The following TTC39C variants were observed in gnomAD, a reference collection of about 807,000 sequenced individuals.
TTC39C encodes the protein tetratricopeptide repeat protein 39C.
In TTC39C, 33 loss-of-function variants were observed where a neutral mutation model predicts 76.3. The ratio of observed to expected loss-of-function variants is 0.43; its 90% CI spans 0.33 to 0.58. The LOEUF (loss-of-function observed/expected upper bound fraction) is 0.58, where lower values mean the gene tolerates loss of function less well. Ranked by LOEUF, TTC39C falls within the 20% of genes least tolerant of loss-of-function variation. The probability of loss-of-function intolerance (pLI) is 0.04; values close to 1 mark genes in which losing one functional copy is unlikely to be tolerated. For missense variants in TTC39C, 595 were observed against 701.4 expected, an observed-to-expected ratio of 0.85 and a Z score of 1.71; for synonymous variants, 254 against 260.6, an observed-to-expected ratio of 0.97 and a Z score of 0.24.
chr18:24,086,923 T>G (rs1038965427), intron 6 of TTC39C, among the ~76,000 whole-genome samples: 56 of 152,262 alleles, frequency 3.7e-4, no homozygotes, highest in African/African-American at 1.2e-3. Flanking sequence ...GTTTTGTTTT[T>G]TTTTTTCTTT....
chr18:24,079,595 C>A (rs2084351050), intron 4 of TTC39C, among the ~76,000 whole-genome samples: 1 of 152,126 alleles, frequency 6.6e-6, no homozygotes, highest in Non-Finnish European at 1.5e-5. Flanking sequence ...CCAAATAAAG[C>A]AATTCTGATA....
intron 1 of TTC39C, among the ~76,000 whole-genome samples, chr18:24,059,658 T>A (rs756935221): frequency 5.9e-5 from 9 of 152,376 alleles, no homozygotes; most frequent in Non-Finnish European, 1.2e-4. Flanking sequence ...CTATTGTGAA[T>A]AGTGCTGCAG....
upstream of TTC39C, chr18:24,014,416 C>A (rs1189521492): frequency 6.5e-6 from 1 of 153,718 alleles, no homozygotes; most frequent in African/African-American, 2.4e-5. Flanking sequence ...GCTCGGGTCT[C>A]CGGGTCTCGC....
intron 1 of TTC39C, among the ~76,000 whole-genome samples, chr18:24,053,761 G>A (rs1033858575): frequency 6.6e-6 from 1 of 152,160 alleles, no homozygotes; most frequent in Non-Finnish European, 1.5e-5. Flanking sequence ...CAGGTCTCCT[G>A]TGAAATTGGG....
intron 1 of TTC39C, among the ~76,000 whole-genome samples, chr18:24,008,096 A>C (rs1393728406): frequency 6.6e-6 from 1 of 152,194 alleles, no homozygotes; most frequent in Non-Finnish European, 1.5e-5. Context: ...GCAGGACCAG[A>C]GTCATAACCC....
At chr18:24,022,943 G>T in intron 1 of TTC39C, 1 of 927,152 alleles carries the variant, frequency 1.1e-6, no homozygotes. Flanking sequence ...CCTTTATCCG[G>T]CACTTGTGTT....
At chr18:24,107,895 G>GGT (rs58236332) in intron 6 of TTC39C, among the ~76,000 whole-genome samples, 36 of 151,304 alleles carry the variant, frequency 2.4e-4, no homozygotes, top group Admixed American at 1.5e-3. Flanking sequence ...AGTAGGGGGG[G>GGT]GGGTACAGGC....
intron 13 of TTC39C, 41 bp downstream of exon 13, chr18:24,131,961 A>T: frequency 6.3e-7 from 1 of 1,589,798 alleles, no homozygotes; most frequent in African/African-American, 1.3e-5. Context: ...GGCCCTTCTT[A>T]TCCCATACAC....
chr18:24,058,994 T>A (rs1359525125), intron 1 of TTC39C, among the ~76,000 whole-genome samples: 1 of 152,208 alleles, frequency 6.6e-6, no homozygotes, highest in African/African-American at 2.4e-5. Context: ...CCTGGAAGTT[T>A]TTAATGTATC....
intron 1 of TTC39C, among the ~76,000 whole-genome samples, chr18:24,026,180 C>T (rs1354057320): frequency 1.3e-5 from 2 of 152,224 alleles, no homozygotes; most frequent in African/African-American, 4.8e-5. Flanking sequence ...TCTCTCCAGC[C>T]ACCAGGTGAC....
At position 24,059,674 on chromosome 18, in the gene TTC39C, A is replaced by G. The variant is rs550397263; in HGVS notation, c.168-4466A>G. ...TATTGTGAATAGTGCTGCAGTGAAC[A>G]TACATGTGCATGTGTCTTTAGAACA... On this transcript the variant is annotated intron_variant, in intron 1 of 13. Coordinates refer to ENST00000317571, the MANE Select transcript of TTC39C (RefSeq NM_001135993.2). 3.9e-4 allele frequency among the ~76,000 whole-genome samples: 59 copies of G among 152,352 alleles called. 2 individuals carry two copies. Among genetic ancestry groups the G allele is most frequent in the Admixed American group, 3.5e-3 (54 of 15,310 alleles).
intron 1 of TTC39C, among the ~76,000 whole-genome samples, chr18:24,023,989 TATA>T (rs2083559825): frequency 2.0e-4 from 1 of 5,018 alleles, no homozygotes; most frequent in Non-Finnish European, 5.3e-4. Flanking sequence ...TACATATATA[TATA>T]TATATATATA....
At chr18:24,068,894 G>T (rs1307816547) in intron 3 of TTC39C, among the ~76,000 whole-genome samples, 1 of 152,092 alleles carries the variant, frequency 6.6e-6, no homozygotes, top group Non-Finnish European at 1.5e-5. Flanking sequence ...GTTTTTTGTT[G>T]CTTTTCGTAT....
chr18:24,093,253 G>A (rs2084547777), intron 6 of TTC39C, among the ~76,000 whole-genome samples: 3 of 152,302 alleles, frequency 2.0e-5, no homozygotes, highest in African/African-American at 7.2e-5. Flanking sequence ...GCCGAGGCGG[G>A]CAGATCACGA....
At chr18:24,071,724 G>T (rs1392606395) in intron 4 of TTC39C, among the ~76,000 whole-genome samples, 2 of 152,126 alleles carry the variant, frequency 1.3e-5, no homozygotes, top group Non-Finnish European at 2.9e-5. Flanking sequence ...TTTTTGGGGG[G>T]TATTAGTGAG....
chr18:24,129,018 A>G, intron 11 of TTC39C, 35 bp downstream of exon 11: 1 of 1,568,284 alleles, frequency 6.4e-7, no homozygotes, highest in Non-Finnish European at 8.7e-7. Flanking sequence ...TAAAGAAAAT[A>G]AGTCACGAAC....
chr18:24,099,067 A>AT (rs2145787148), intron 6 of TTC39C, among the ~76,000 whole-genome samples: 1 of 144,838 alleles, frequency 6.9e-6, no homozygotes, highest in Non-Finnish European at 1.5e-5. Context: ...ATATACATAT[A>AT]ACATATATAC....
At chr18:24,022,194 C>T (rs1386330335) in intron 1 of TTC39C, among the ~76,000 whole-genome samples, 1 of 152,144 alleles carries the variant, frequency 6.6e-6, no homozygotes, top group Admixed American at 6.5e-5. Context: ...AATTTGGTAT[C>T]CGCCGGGGGT....
Position 24,128,882 on chromosome 18 carries a change from T to G in TTC39C, c.1421-4T>G. 1 of 1,612,314 alleles carries G rather than the reference T, an allele frequency of 6.2e-7. No homozygotes were observed. Among genetic ancestry groups the G allele is most frequent in the Non-Finnish European group, 8.5e-7 (1 of 1,179,246 alleles). ...CTGCTCTGTTCACTCCCCTTCTTTT[T>G]AAGCTTGCCATGAAGTGGATGACTC... On this transcript the variant is annotated splice_region_variant and splice_polypyrimidine_tract_variant and intron_variant, in intron 10 of 13. Coordinates refer to ENST00000317571, the MANE Select transcript of TTC39C (RefSeq NM_001135993.2).
Sources: allele counts gnomAD v4.1 joint callset (sites outside exome capture counted in the v4.1 genomes callset), GRCh38; gene constraint gnomAD v4.1.1; transcripts MANE v1.5; gene names NCBI Gene and HGNC (gene_info 2026-07-23, HGNC 2026-07-21).